The following TMEM68 variants were observed in gnomAD, a reference collection of about 807,000 sequenced individuals.
The protein encoded by TMEM68 is DGAT1/2-independent enzyme synthesizing storage lipids.
In TMEM68, 25 loss-of-function variants were observed where a neutral mutation model predicts 36.9. The observed-to-expected ratio is 0.68, with a 90% CI of 0.49 to 0.95. The LOEUF is 0.95. Among genes scored for constraint, TMEM68 ranks in the 40% least tolerant of loss-of-function variants. The pLI is 0.00. For synonymous variants in TMEM68, 131 were observed against 124.4 expected (o/e 1.05, Z -0.35); for missense variants, 333 against 392.0 (o/e 0.85, Z 1.27).
intron 6 of TMEM68, 30 bp downstream of exon 6, chr8:55,745,031 T>C (rs1290216175): frequency 2.2e-6 from 3 of 1,373,050 alleles, no homozygotes; most frequent in Non-Finnish European, 2.9e-6. Flanking sequence ...AATTACATTG[T>C]AATTTAAAAC....
At chr8:55,759,501 G>A (rs1025816204) in intron 3 of TMEM68, among the ~76,000 whole-genome samples, 4 of 151,850 alleles carry the variant, frequency 2.6e-5, no homozygotes, top group Non-Finnish European at 5.9e-5. Flanking sequence ...AACTTGGGAG[G>A]CGGAGGTTGC....
At chr8:55,753,221 G>A (rs947514853) in intron 4 of TMEM68, among the ~76,000 whole-genome samples, 5 of 152,120 alleles carry the variant, frequency 3.3e-5, no homozygotes, top group African/African-American at 7.2e-5. Context: ...AACGAAAAAA[G>A]TAGAAGCAAC....
intron 4 of TMEM68, among the ~76,000 whole-genome samples, chr8:55,752,283 C>G (rs1006917274): frequency 2.0e-5 from 3 of 151,976 alleles, no homozygotes; most frequent in Admixed American, 6.6e-5. Flanking sequence ...TTATAAATAG[C>G]ATTAAGATTA....
chr8:55,740,302 A>C, intron 7 of TMEM68, 84 bp from the exon 8 acceptor site: 5 of 998,902 alleles, frequency 5.0e-6, no homozygotes, highest in Non-Finnish European at 7.5e-6. Flanking sequence ...AGAATTAATG[A>C]TTTCCTTCTC....
At chr8:55,740,645 G>C (rs916241370) in intron 7 of TMEM68, among the ~76,000 whole-genome samples, 10 of 152,124 alleles carry the variant, frequency 6.6e-5, no homozygotes, top group Admixed American at 2.0e-4. Flanking sequence ...AAAAAAAATA[G>C]AAAAATTTCG....
At chr8:55,750,852 T>A (rs1810410342) in intron 5 of TMEM68, 112 bp downstream of exon 5, 7 of 1,057,804 alleles carry the variant, frequency 6.6e-6, no homozygotes, top group Non-Finnish European at 9.4e-6. Context: ...TACTAATTTT[T>A]AAGGTATTGC....
intron 1 of TMEM68, among the ~76,000 whole-genome samples, chr8:55,767,474 G>A (rs2130034870): frequency 6.6e-6 from 1 of 152,272 alleles, no homozygotes; most frequent in African/African-American, 2.4e-5. Context: ...ACATCCAAGT[G>A]AAGACATTAA....
At chr8:55,754,455 A>ATG (rs1274834041) in intron 4 of TMEM68, among the ~76,000 whole-genome samples, 1 of 110,890 alleles carries the variant, frequency 9.0e-6, no homozygotes, top group Non-Finnish European at 1.7e-5. Flanking sequence ...ATATATATAT[A>ATG]TATATATATA....
At chr8:55,755,995 TAAAC>T (rs1438870676) in intron 4 of TMEM68, among the ~76,000 whole-genome samples, 4 of 151,926 alleles carry the variant, frequency 2.6e-5, no homozygotes, top group Admixed American at 6.6e-5. Flanking sequence ...CACTTAAAAA[TAAAC>T]AATTTTAAAA....
intron 1 of TMEM68, among the ~76,000 whole-genome samples, chr8:55,764,988 C>T (rs1810919019): frequency 6.6e-6 from 1 of 152,144 alleles, no homozygotes; most frequent in Non-Finnish European, 1.5e-5. Flanking sequence ...AGGAGAAACG[C>T]TTGAACCTGG....
intron 3 of TMEM68, among the ~76,000 whole-genome samples, chr8:55,757,723 G>A (rs1003677723): frequency 3.9e-5 from 6 of 152,164 alleles, no homozygotes; most frequent in African/African-American, 2.4e-5. Context: ...CTATTCTAGA[G>A]AAGGGGAAGA....
chr8:55,767,751 A>T (rs1811016558), intron 1 of TMEM68, among the ~76,000 whole-genome samples: 1 of 152,152 alleles, frequency 6.6e-6, no homozygotes, highest in African/African-American at 2.4e-5. Context: ...CAGCCTGACC[A>T]ACATGGAGAA....
intron 5 of TMEM68, among the ~76,000 whole-genome samples, chr8:55,750,665 G>A (rs551797819): frequency 2.7e-5 from 4 of 149,662 alleles, no homozygotes; most frequent in East Asian, 2.0e-4. Context: ...TCAGCCTCCC[G>A]AGTAGCTGGG....
intron 3 of TMEM68, chr8:55,761,902 C>T (rs1200613822): frequency 6.6e-6 from 1 of 152,054 alleles, no homozygotes; most frequent in Non-Finnish European, 1.5e-5. Flanking sequence ...TTGTTACCTG[C>T]CTATTGAATC....
intron 1 of TMEM68, among the ~76,000 whole-genome samples, chr8:55,772,821 A>C (rs964088532): frequency 6.6e-6 from 1 of 151,546 alleles, no homozygotes; most frequent in African/African-American, 2.4e-5. Context: ...TTCCCCCTAC[A>C]CTCTCGGGAT....
chr8:55,743,532 G>A lies in TMEM68; in HGVS notation c.837C>T (p.Gly279=), dbSNP rs572391922. The A allele has an allele frequency of 3.8e-5, 59 of 1,535,746 alleles. No homozygotes were observed. The highest frequency in any genetic ancestry group is 2.7e-4 in the Admixed American group (14 of 50,984). ...GFPVKLRTYL[G]DPIPYDPQIT... ...TCTGTGGGTCATACGGAATGGGGTC[G>A]CCTAAATAGGTCCGTAACTTCACTG... Residue 279 remains glycine (G), a synonymous_variant, in exon 7 of 8, where the codon GGC becomes GGT. Coordinates refer to ENST00000434581, the MANE Select transcript of TMEM68 (RefSeq NM_001286657.2).
chr8:55,753,830 G>A lies in TMEM68; in HGVS notation c.493+2414C>T, dbSNP rs115841973. Among the ~76,000 whole-genome samples the A allele has an allele frequency of 9.5e-3, 1,451 of 152,242 alleles. 26 individuals carry two copies. Among genetic ancestry groups the A allele is most frequent in the African/African-American group, 0.033 (1,387 of 41,540 alleles). On this transcript the variant is annotated intron_variant, in intron 4 of 7. Coordinates refer to ENST00000434581, the MANE Select transcript of TMEM68 (RefSeq NM_001286657.2). ...AGGTCGGCTAGACGCAGTGCCTCACGCCTGCAATCTCAGTACTTTGGGAGG... is the reference window on the plus strand; with the variant it reads ...AGGTCGGCTAGACGCAGTGCCTCACACCTGCAATCTCAGTACTTTGGGAGG...
intron 7 of TMEM68, among the ~76,000 whole-genome samples, chr8:55,740,870 A>C (rs1260212042): frequency 6.6e-6 from 1 of 152,198 alleles, no homozygotes; most frequent in African/African-American, 2.4e-5. Flanking sequence ...ATTTACATAC[A>C]TATATACTTC....
chr8:55,741,705 G>A (rs1742965470), intron 7 of TMEM68, among the ~76,000 whole-genome samples: 1 of 152,178 alleles, frequency 6.6e-6, no homozygotes, highest in South Asian at 2.1e-4. Flanking sequence ...GAAGGAGCAT[G>A]AGAAGAAAAG....
Sources: gnomAD v4.1 joint callset for allele counts (sites outside exome capture counted in the v4.1 genomes callset) on GRCh38, gnomAD v4.1.1 for gene constraint, MANE v1.5 for transcripts, NCBI Gene and HGNC (gene_info 2026-07-23, HGNC 2026-07-21) for gene names.